NNT: variants seen among roughly 807,000 people sequenced by gnomAD.
NNT encodes the protein nicotinamide nucleotide transhydrogenase, also known as NAD(P) transhydrogenase, mitochondrial.
A neutral mutation model predicts 104.8 loss-of-function variants in NNT; 50 were observed. The ratio of observed to expected loss-of-function variants is 0.48; its 90% CI spans 0.38 to 0.60. NNT has a LOEUF of 0.60. Ranked by LOEUF, NNT falls within the 20% of genes least tolerant of loss-of-function variation. NNT has a pLI of 0.00. For synonymous variants in NNT, 461 were observed against 490.4 expected (o/e 0.94, Z 0.79); for missense variants, 1,131 against 1,330.7 (o/e 0.85, Z 2.33).
chr5:43,671,530 C>T (rs1306777091), intron 17 of NNT, among the ~76,000 whole-genome samples: 3 of 152,132 alleles, frequency 2.0e-5, no homozygotes, highest in Non-Finnish European at 2.9e-5. Flanking sequence ...TTTTATTTCT[C>T]CTTGACTTAT....
chr5:43,653,080 A>G lies in NNT; in HGVS notation c.1926A>G (p.Gly642=). 6.2e-7 allele frequency: 1 copy of G among 1,614,044 alleles called. No individual in the cohort carries two copies. The highest frequency in any genetic ancestry group is 8.5e-7 in the Non-Finnish European group (1 of 1,180,008). ...CCTTGGCTGGCCTCTCCACCCAGGGAACAGCACGTCTTGGCAATGCACTGG... is the reference window on the plus strand; with the variant it reads ...CCTTGGCTGGCCTCTCCACCCAGGGGACAGCACGTCTTGGCAATGCACTGG... ...VGALAGLSTQ[G]TARLGNALGM... is the part of the protein sequence containing the mutation. The change falls in exon 14 of 22, where the codon GGA becomes GGG. Residue 642 remains glycine, a synonymous_variant. Transcript: ENST00000344920.
chr5:43,679,158 T>C lies in NNT; in HGVS notation c.2876+1352T>C, dbSNP rs1479490160. Among the ~76,000 whole-genome samples the C allele has an allele frequency of 2.1e-4, 32 of 152,256 alleles. 1 individual carries two copies. The highest frequency in any genetic ancestry group is 2.1e-3 in the Admixed American group (32 of 15,288). On this transcript the variant is annotated intron_variant, in intron 19 of 21. Coordinates refer to ENST00000344920, the MANE Select transcript of NNT (RefSeq NM_182977.3). ...ACATAGGATATTAAGCTGTGCTTTT[T>C]AAAGCCATCATTTTGCTGCTGAGAA...
intron 1 of NNT, among the ~76,000 whole-genome samples, chr5:43,607,073 G>A (rs1161000926): frequency 6.6e-6 from 1 of 151,472 alleles, no homozygotes; most frequent in East Asian, 1.9e-4. Flanking sequence ...GCATGATCTC[G>A]GCTCACTGCA....
At chr5:43,683,999 G>A (rs1325154649) in intron 19 of NNT, among the ~76,000 whole-genome samples, 5 of 152,074 alleles carry the variant, frequency 3.3e-5, no homozygotes, top group Non-Finnish European at 5.9e-5. Context: ...GTTTTATAGA[G>A]GACTGCGTTG....
intron 19 of NNT, among the ~76,000 whole-genome samples, chr5:43,691,023 A>C (rs892732953): frequency 2.6e-5 from 4 of 151,732 alleles, no homozygotes; most frequent in African/African-American, 9.7e-5. Context: ...TGAAAATCAC[A>C]GTTTTGCCTT....
chr5:43,700,312 T>G, intron 20 of NNT, 75 bp downstream of exon 20: 4 of 1,053,308 alleles, frequency 3.8e-6, no homozygotes, highest in Non-Finnish European at 5.7e-6. Context: ...GGATATGAAT[T>G]GTAGATTCAG....
intron 3 of NNT, chr5:43,613,764 C>G (rs1371878572): frequency 6.6e-6 from 1 of 152,148 alleles, no homozygotes; most frequent in Non-Finnish European, 1.5e-5. Context: ...CAGATGATAA[C>G]TAGAGTTGAG....
chr5:43,628,512 A>AG, intron 7 of NNT, 125 bp downstream of exon 7: 2 of 651,840 alleles, frequency 3.1e-6, no homozygotes, highest in Non-Finnish European at 4.8e-6. Context: ...TTTCTATTAT[A>AG]AAAGTACTAG....
chr5:43,671,929 C>G (rs189177475), intron 17 of NNT, among the ~76,000 whole-genome samples: 1 of 152,172 alleles, frequency 6.6e-6, no homozygotes, highest in African/African-American at 2.4e-5. Context: ...ACCAATGAGA[C>G]GTAGATTTGG....
intron 17 of NNT, chr5:43,666,876 G>A (rs1178037264): frequency 3.9e-6 from 6 of 1,528,488 alleles, no homozygotes; most frequent in Admixed American, 1.7e-5. Context: ...CCTTTGGCCA[G>A]CACAGCCTGG....
intron 20 of NNT, among the ~76,000 whole-genome samples, chr5:43,701,314 A>G (rs1472705018): frequency 1.3e-5 from 2 of 152,130 alleles, no homozygotes; most frequent in Non-Finnish European, 2.9e-5. Context: ...GCTCCCACAT[A>G]TAAGTGAGAA....
Position 43,644,716 on chromosome 5 carries a change from G to A in NNT, c.1204G>A (p.Asp402Asn), listed in dbSNP as rs766987545. 7.4e-6 allele frequency: 12 copies of A among 1,614,032 alleles called. No homozygotes were observed. The highest frequency in any genetic ancestry group is 9.3e-6 in the Non-Finnish European group (11 of 1,180,018). The change falls in exon 9 of 22, where the codon GAC (aspartate) becomes AAC (asparagine). Residue 402 changes from aspartate to asparagine, a missense_variant. Transcript: ENST00000344920. ...CAAACTCCTGAAGGCCATCAGCCCG[G>A]ACAAAGATAATTTTTATTTTGATGT... ...ITKLLKAISP[D>N]KDNFYFDVKD...
At chr5:43,643,561 A>G (rs1751347485) in intron 7 of NNT, among the ~76,000 whole-genome samples, 1 of 152,184 alleles carries the variant, frequency 6.6e-6, no homozygotes, top group African/African-American at 2.4e-5. Flanking sequence ...ACCAATACAT[A>G]GTTGTTGAGT....
At chr5:43,698,391 T>G (rs533531738) in intron 19 of NNT, among the ~76,000 whole-genome samples, 6 of 152,200 alleles carry the variant, frequency 3.9e-5, no homozygotes, top group Non-Finnish European at 5.9e-5. Flanking sequence ...CTCAAAGATG[T>G]TCATGTTAGG....
intron 14 of NNT, 190 bp downstream of exon 14, chr5:43,653,403 C>T: frequency 3.6e-6 from 2 of 559,424 alleles, no homozygotes; most frequent in Non-Finnish European, 6.2e-6. Context: ...ATAAATGCAT[C>T]AACTGAGTCA....
At chr5:43,697,653 A>G (rs1283443504) in intron 19 of NNT, among the ~76,000 whole-genome samples, 1 of 152,218 alleles carries the variant, frequency 6.6e-6, no homozygotes, top group Non-Finnish European at 1.5e-5. Flanking sequence ...TTACAGTTCC[A>G]CAAGGCTGGG....
At chr5:43,679,337 C>T (rs1343521467) in intron 19 of NNT, among the ~76,000 whole-genome samples, 1 of 152,142 alleles carries the variant, frequency 6.6e-6, no homozygotes, top group Non-Finnish European at 1.5e-5. Context: ...AGATGGGTGG[C>T]AATCATAATA....
At chr5:43,651,974 C>T (rs997401449) in intron 13 of NNT, 90 bp downstream of exon 13, 10 of 1,353,352 alleles carry the variant, frequency 7.4e-6, no homozygotes, top group Non-Finnish European at 8.2e-6. Flanking sequence ...TTCAAAGTAT[C>T]GAGCAAATAC....
chr5:43,659,767 C>T (rs1377947420), intron 17 of NNT, among the ~76,000 whole-genome samples: 1 of 152,042 alleles, frequency 6.6e-6, no homozygotes, highest in Non-Finnish European at 1.5e-5. Context: ...GAATTCTCTT[C>T]AGCAGACATA....
Sources: allele counts gnomAD v4.1 joint callset (sites outside exome capture counted in the v4.1 genomes callset), GRCh38; gene constraint gnomAD v4.1.1; transcripts MANE v1.5; gene names NCBI Gene and HGNC (gene_info 2026-07-23, HGNC 2026-07-21).